Variants in RB1 observed in about 807,000 individuals in gnomAD.
RB1 encodes retinoblastoma-associated protein.
Under a neutral mutation model 135.4 loss-of-function variants are expected in RB1, and 18 were observed. The ratio of observed to expected loss-of-function variants is 0.13; its 90% CI spans 0.09 to 0.20. RB1 has a LOEUF of 0.20. RB1 is among the 10% of genes least tolerant of loss of function. The pLI is 1.00. For synonymous variants in RB1, 365 were observed against 373.2 expected (o/e 0.98, Z 0.25); for missense variants, 868 against 1,110.0 (o/e 0.78, Z 3.10).
intron 18 of RB1, among the ~76,000 whole-genome samples, chr13:48,454,115 C>T (rs1042294551): frequency 6.6e-6 from 1 of 152,186 alleles, no homozygotes; most frequent in Non-Finnish European, 1.5e-5. Flanking sequence ...GTAACAGATA[C>T]TGCTGTCAGC....
intron 8 of RB1, among the ~76,000 whole-genome samples, chr13:48,363,858 A>C (rs1444484792): frequency 6.6e-6 from 1 of 152,216 alleles, no homozygotes; most frequent in East Asian, 1.9e-4. Context: ...CAGCGTCTAC[A>C]TTAGACTTTG....
chr13:48,473,435 T>C lies in RB1; in HGVS notation c.2520+45T>C, dbSNP rs927143285. ...GAAATATAATAGTATGCATTGTAAG[T>C]ATAAAAGAAATTAAAGCTTTCTATA... On this transcript the variant is annotated intron_variant, in intron 24 of 26. Coordinates refer to ENST00000267163, the MANE Select transcript of RB1 (RefSeq NM_000321.3). 11 of 1,469,496 alleles carry C rather than the reference T, an allele frequency of 7.5e-6. 1 individual carries two copies. The highest frequency in any genetic ancestry group is 1.0e-5 in the Non-Finnish European group (11 of 1,055,802). The allele number at this position is 1,469,496 out of a possible 1,614,324, so 91.0% of individuals were successfully genotyped here.
intron 1 of RB1, among the ~76,000 whole-genome samples, chr13:48,305,647 A>C (rs1952074861): frequency 7.3e-6 from 1 of 137,816 alleles, no homozygotes; most frequent in African/African-American, 3.5e-5. Flanking sequence ...TGGAACTATA[A>C]AAAATTCTCT....
Position 48,463,974 on chromosome 13 carries a change from CT to C in RB1, c.2211+143del. On this transcript the variant is annotated intron_variant, in intron 21 of 26. Coordinates refer to ENST00000267163, the MANE Select transcript of RB1 (RefSeq NM_000321.3). ...TATTATGTAAATTCACAAATAAAAACTTTTATATTATTTATTTGTAACTTAA... is the reference window on the plus strand; with the variant it reads ...TATTATGTAAATTCACAAATAAAAACTTTATATTATTTATTTGTAACTTAA... 3 of 572,010 alleles carry C rather than the reference CT, an allele frequency of 5.2e-6. No individual in the cohort carries two copies. The Middle Eastern group carries it at 1.4e-3, about 263-fold the overall frequency. 35.4% of individuals were successfully genotyped at this position (572,010 alleles called of 1,614,324 possible).
At chr13:48,465,686 G>C (rs1949436986) in intron 23 of RB1, among the ~76,000 whole-genome samples, 1 of 151,394 alleles carries the variant, frequency 6.6e-6, no homozygotes, top group Non-Finnish European at 1.5e-5. Flanking sequence ...AGTGGGCGCA[G>C]GCCAGTGTGT....
intron 2 of RB1, among the ~76,000 whole-genome samples, chr13:48,312,742 A>AT (rs1384429230): frequency 6.6e-6 from 1 of 151,418 alleles, no homozygotes; most frequent in Non-Finnish European, 1.5e-5. Flanking sequence ...TTTCCTTTTT[A>AT]TTTTTTTAAT....
chr13:48,331,956 G>C (rs1952341014), intron 2 of RB1, among the ~76,000 whole-genome samples: 1 of 152,112 alleles, frequency 6.6e-6, no homozygotes. Context: ...AGTTAAAATT[G>C]CATTAAGATC....
At position 48,313,507 on chromosome 13, in the gene RB1, C is replaced by A. The variant is rs140958298; in HGVS notation, c.264+6101C>A. Reference sequence around the variant, plus strand: ...AAGTCATATGGTTTTTAGTTCTTGTCAGTCTTGGGTTTTTTTTTGTTTTTT... The same window carrying A: ...AAGTCATATGGTTTTTAGTTCTTGTAAGTCTTGGGTTTTTTTTTGTTTTTT... On this transcript the variant is annotated intron_variant, in intron 2 of 26. Coordinates refer to ENST00000267163, the MANE Select transcript of RB1 (RefSeq NM_000321.3). 5.6e-3 allele frequency among the ~76,000 whole-genome samples: 815 copies of A among 145,874 alleles called. 5 individuals are homozygous for A. The highest frequency in any genetic ancestry group is 0.011 in the Middle Eastern group (3 of 282).
intron 2 of RB1, among the ~76,000 whole-genome samples, chr13:48,339,265 C>G (rs930486108): frequency 1.3e-5 from 2 of 152,190 alleles, no homozygotes; most frequent in African/African-American, 4.8e-5. Flanking sequence ...TGCCCTGCCC[C>G]CAGAGGTGGA....
intron 17 of RB1, among the ~76,000 whole-genome samples, chr13:48,395,468 G>A (rs894317154): frequency 2.0e-5 from 3 of 152,088 alleles, no homozygotes; most frequent in African/African-American, 7.2e-5. Flanking sequence ...ATGCAAGGAA[G>A]CTAAGAACTT....
At chr13:48,373,872 T>C (rs1362992979) in intron 12 of RB1, among the ~76,000 whole-genome samples, 1 of 152,202 alleles carries the variant, frequency 6.6e-6, no homozygotes, top group East Asian at 1.9e-4. Context: ...TTTACCCTTA[T>C]TTTTTTGTGA....
At chr13:48,394,539 C>A (rs898800834) in intron 17 of RB1, among the ~76,000 whole-genome samples, 1 of 152,170 alleles carries the variant, frequency 6.6e-6, no homozygotes, top group African/African-American at 2.4e-5. Flanking sequence ...AGTCTGAGGT[C>A]GACCTGGGAT....
At chr13:48,383,358 C>T (rs1374450051) in intron 17 of RB1, among the ~76,000 whole-genome samples, 1 of 152,040 alleles carries the variant, frequency 6.6e-6, no homozygotes, top group African/African-American at 2.4e-5. Context: ...TGAGGTTATG[C>T]TCTTCAAATC....
chr13:48,372,663 GA>G (rs760019277), intron 11 of RB1, among the ~76,000 whole-genome samples: 33 of 150,338 alleles, frequency 2.2e-4, no homozygotes, highest in Non-Finnish European at 4.7e-4. Flanking sequence ...AAAAAAAAAA[GA>G]AAAAGAAAAG....
intron 2 of RB1, chr13:48,318,326 G>T: frequency 1.5e-6 from 2 of 1,355,114 alleles, no homozygotes; most frequent in South Asian, 3.0e-5. Flanking sequence ...TGCTGAACCT[G>T]ACCTTCCTGC....
chr13:48,421,416 A>G (rs1357338171), intron 17 of RB1, among the ~76,000 whole-genome samples: 3 of 152,218 alleles, frequency 2.0e-5, no homozygotes, highest in Non-Finnish European at 2.9e-5. Flanking sequence ...TGAAAACCCT[A>G]GAAGAAAACC....
In RB1 at chr13:48,426,010, A is replaced by G. The variant is rs1964182; in HGVS notation, c.1696-26983A>G. Among the ~76,000 whole-genome samples the G allele has an allele frequency of 1.6e-3, 249 of 152,326 alleles. 2 individuals carry two copies. Among genetic ancestry groups the G allele is most frequent in the East Asian group, 0.012 (62 of 5,186 alleles). ...AACCCAGTTCCTTATACATGTTTGT[A>G]TAATGAAAGAATACAACTTAGTGAG... On this transcript the variant is annotated intron_variant, in intron 17 of 26. Coordinates refer to ENST00000267163, the MANE Select transcript of RB1 (RefSeq NM_000321.3).
intron 17 of RB1, among the ~76,000 whole-genome samples, chr13:48,386,537 T>G (rs1948573081): frequency 6.6e-6 from 1 of 152,206 alleles, no homozygotes; most frequent in Non-Finnish European, 1.5e-5. Flanking sequence ...ACACATGTGT[T>G]ACTTGTAAGA....
chr13:48,454,708 C>T (rs115624516), intron 18 of RB1, among the ~76,000 whole-genome samples: 1,891 of 152,284 alleles, frequency 0.012, 44 homozygotes, highest in African/African-American at 0.039. Context: ...ACTTTCCTTT[C>T]TCTGATAAAG....
Sources: allele counts gnomAD v4.1 joint callset (sites outside exome capture counted in the v4.1 genomes callset), GRCh38; gene constraint gnomAD v4.1.1; transcripts MANE v1.5; gene names NCBI Gene and HGNC (gene_info 2026-07-23, HGNC 2026-07-21).